ATP6V1C2: variants seen among roughly 807,000 people sequenced by gnomAD.
ATP6V1C2 encodes the protein ATPase H+ transporting V1 subunit C2.
A neutral mutation model predicts 56.8 loss-of-function variants in ATP6V1C2; 45 were observed. That is an observed-to-expected ratio of 0.79 (90% CI 0.62 to 1.02). The LOEUF (loss-of-function observed/expected upper bound fraction) is 1.02, where lower values mean the gene tolerates loss of function less well. Among genes scored for constraint, ATP6V1C2 ranks in the 50% least tolerant of loss-of-function variants. The pLI, the probability that ATP6V1C2 is intolerant of heterozygous loss-of-function variation, is 0.00. For synonymous variants in ATP6V1C2, 220 were observed against 201.3 expected (o/e 1.09, Z -0.79); for missense variants, 463 against 519.7 (o/e 0.89, Z 1.06).
rs1664401318 is a variant in ATP6V1C2, at chr2:10,768,896, G to A, written c.470+86G>A. The A allele has an allele frequency of 1.3e-5, 14 of 1,068,282 alleles. No individual in the cohort carries two copies. The South Asian group carries it at 1.8e-4, about 14-fold the overall frequency. 66.2% of individuals were successfully genotyped at this position (1,068,282 alleles called of 1,614,324 possible). On this transcript the variant is annotated intron_variant, in intron 6 of 13. Transcript: ENST00000272238. ...GCCTGTCCTCTCACTGGGCCACCTG[G>A]GAGTCTGTGCCCATGCATGAGAGTG...
intron 4 of ATP6V1C2, among the ~76,000 whole-genome samples, chr2:10,756,012 A>G (rs1255967840): frequency 6.6e-6 from 1 of 152,218 alleles, no homozygotes; most frequent in Non-Finnish European, 1.5e-5. Flanking sequence ...AAATATCTGT[A>G]GAGATAATTA....
chr2:10,781,237 C>T (rs1321773017), intron 12 of ATP6V1C2, among the ~76,000 whole-genome samples: 1 of 152,198 alleles, frequency 6.6e-6, no homozygotes, highest in Non-Finnish European at 1.5e-5. Context: ...TCAAGCCAGG[C>T]TGCTGGGGGA....
Position 10,775,018 on chromosome 2 carries a change from G to T in ATP6V1C2, c.772G>T (p.Glu258Ter). ...ATTTTACTATGATGAGAAGGAAATT[G>T]AAAGGGAAAGGGAGGAGATGGCCAG... ...REFYYDEKEI[E>*]REREEMARLL... Residue 258 changes from glutamate to a stop codon, truncating the protein, a stop_gained, in exon 10 of 14, where the codon GAA becomes TAA. Transcript: ENST00000272238. LOFTEE classifies it high-confidence loss of function. 2.5e-6 allele frequency: 4 copies of T among 1,614,122 alleles called. No individual in the cohort carries two copies. Among genetic ancestry groups the T allele is most frequent in the Non-Finnish European group, 3.4e-6 (4 of 1,180,026 alleles).
At position 10,763,001 on chromosome 2, in the gene ATP6V1C2, G is replaced by A. The variant is rs1664013632; in HGVS notation, c.284-1330G>A. Reference sequence around the variant, plus strand: ...GCTGCCCTTGGTCAGCTGGAGTCTTGTTTGGTGACCCCACTGGGCGCTGCT... The same window carrying A: ...GCTGCCCTTGGTCAGCTGGAGTCTTATTTGGTGACCCCACTGGGCGCTGCT... On this transcript the variant is annotated intron_variant, in intron 4 of 13. Transcript: ENST00000272238. This position sits in a 1 kb window ranked among gnomAD's most constrained non-coding sequence, Gnocchi z 4.2. 6.6e-6 allele frequency among the ~76,000 whole-genome samples: 1 copy of A among 152,140 alleles called. No individual in the cohort carries two copies. The highest frequency in any genetic ancestry group is 1.5e-5 in the Non-Finnish European group (1 of 68,016).
chr2:10,769,691 ACT>A (rs1261363967), intron 6 of ATP6V1C2, among the ~76,000 whole-genome samples: 1 of 151,310 alleles, frequency 6.6e-6, no homozygotes, highest in African/African-American at 2.4e-5. Flanking sequence ...ATACAGTAAG[ACT>A]CTGCCTCAAA....
intron 3 of ATP6V1C2, among the ~76,000 whole-genome samples, chr2:10,733,419 A>G (rs1662075024): frequency 6.6e-6 from 1 of 152,186 alleles, no homozygotes; most frequent in African/African-American, 2.4e-5. Flanking sequence ...GAGAACAGAG[A>G]AGGCACAAGC....
chr2:10,742,209 T>A (rs147786002), intron 3 of ATP6V1C2, among the ~76,000 whole-genome samples: 8 of 152,158 alleles, frequency 5.3e-5, no homozygotes, highest in Non-Finnish European at 7.4e-5. Context: ...CACGCTGGCC[T>A]TTCTGGGTAA....
intron 12 of ATP6V1C2, among the ~76,000 whole-genome samples, chr2:10,781,586 C>T (rs150568797): frequency 2.0e-5 from 3 of 152,150 alleles, no homozygotes; most frequent in African/African-American, 2.4e-5. Context: ...AGTGGAAGGG[C>T]GTGTAAAAAC....
chr2:10,738,665 A>G (rs1011158041), intron 3 of ATP6V1C2, among the ~76,000 whole-genome samples: 1 of 151,928 alleles, frequency 6.6e-6, no homozygotes, highest in Non-Finnish European at 1.5e-5. Context: ...TTCAGGGGCA[A>G]CCTCCCATGG....
At chr2:10,730,019 C>T (rs1445229793) in intron 3 of ATP6V1C2, among the ~76,000 whole-genome samples, 4 of 152,204 alleles carry the variant, frequency 2.6e-5, no homozygotes, top group African/African-American at 4.8e-5. Context: ...TTTTAGGGCC[C>T]ATGGACTTGC....
At chr2:10,773,274 A>ACACT (rs200008940) in intron 8 of ATP6V1C2, among the ~76,000 whole-genome samples, 4,001 of 152,282 alleles carry the variant, frequency 0.026, 173 homozygotes, top group African/African-American at 0.091. Flanking sequence ...CAGGAAGGCC[A>ACACT]CACTCAGGAT....
At chr2:10,744,445 C>T (rs879516255) in intron 3 of ATP6V1C2, among the ~76,000 whole-genome samples, 21 of 152,238 alleles carry the variant, frequency 1.4e-4, no homozygotes, top group Admixed American at 4.6e-4. Flanking sequence ...TTCTTCCTCA[C>T]GCTTATGAGC....
chr2:10,739,454 C>T (rs1327588227), intron 3 of ATP6V1C2, among the ~76,000 whole-genome samples: 3 of 152,060 alleles, frequency 2.0e-5, no homozygotes, highest in Non-Finnish European at 2.9e-5. Context: ...GACTTCCTGA[C>T]TAGCTGGTCA....
intron 13 of ATP6V1C2, 52 bp from the exon 14 acceptor site, chr2:10,783,122 A>G (rs1179620781): frequency 2.1e-6 from 3 of 1,441,476 alleles, no homozygotes; most frequent in Admixed American, 3.4e-5. Context: ...TAAAAGGATA[A>G]GACAGGAAAC....
chr2:10,774,690 G>T, intron 8 of ATP6V1C2, 98 bp from the exon 9 acceptor site: 1 of 991,774 alleles, frequency 1.0e-6, no homozygotes, highest in Non-Finnish European at 1.6e-6. Context: ...CTGCTGCCAT[G>T]GACCCCAGGT....
intron 12 of ATP6V1C2, among the ~76,000 whole-genome samples, 156 bp from the exon 13 acceptor site, chr2:10,782,087 T>C (rs912877941): frequency 6.6e-6 from 1 of 151,548 alleles, no homozygotes; most frequent in Non-Finnish European, 1.5e-5. Context: ...TATCCAGAGA[T>C]CACCGCTGAC....
intron 10 of ATP6V1C2, 88 bp from the exon 11 acceptor site, chr2:10,777,497 C>T: frequency 6.5e-7 from 1 of 1,533,946 alleles, no homozygotes; most frequent in Non-Finnish European, 8.8e-7. Context: ...TGAGCTTGCT[C>T]TCGCGTGCCT....
chr2:10,775,055 A>T lies in ATP6V1C2; in HGVS notation c.809A>T (p.Asp270Val). ...EREEMARLLS[D>V]KKQQYQTSCV... ...GAGGAGATGGCCAGATTGCTGTCTG[A>T]TAAGAAGCAACAGTATGTGAGTATG... Residue 270 changes from aspartate to valine, a missense_variant, in exon 10 of 14, where the codon GAT (aspartate) becomes GTT (valine). Coordinates refer to ENST00000272238, the MANE Select transcript of ATP6V1C2 (RefSeq NM_001039362.2). 6.2e-7 allele frequency: 1 copy of T among 1,613,744 alleles called. No individual in the cohort carries two copies. Among genetic ancestry groups the T allele is most frequent in the Non-Finnish European group, 8.5e-7 (1 of 1,179,766 alleles).
Position 10,760,030 on chromosome 2 carries a change from GT to G in ATP6V1C2, c.284-4287del, listed in dbSNP as rs34096158. 1.1e-3 allele frequency among the ~76,000 whole-genome samples: 141 copies of G among 133,792 alleles called. 1 individual carries two copies. Among genetic ancestry groups the G allele is most frequent in the East Asian group, 8.0e-3 (38 of 4,726 alleles). 87.8% of individuals were successfully genotyped at this position (133,792 alleles called of 152,430 possible). A position where few individuals can be genotyped will look rare whatever the true frequency, so the allele number is the denominator to read the frequency against. On this transcript the variant is annotated intron_variant, in intron 4 of 13. Transcript: ENST00000272238. ...AAAGACAAGCAGTTTTTTGTTTTTT[GT>G]TTTTTTTTTTTTTGCTTTTTGAAAA...
Sources: gnomAD v4.1 joint callset for allele counts (sites outside exome capture counted in the v4.1 genomes callset) on GRCh38, gnomAD v4.1.1 for gene constraint, Gnocchi (gnomAD v3.1) non-coding constraint, MANE v1.5 for transcripts, NCBI Gene and HGNC (gene_info 2026-07-23, HGNC 2026-07-21) for gene names.